The following CDK6 variants were observed in gnomAD, a reference collection of about 807,000 sequenced individuals.
CDK6 encodes the protein cyclin-dependent kinase 6.
In CDK6, 6 loss-of-function variants were observed where a neutral mutation model predicts 37.1. The observed-to-expected ratio is 0.16, with a 90% CI of 0.09 to 0.32. The LOEUF is 0.32. Ranked by LOEUF, CDK6 falls within the 10% of genes least tolerant of loss-of-function variation. CDK6 has a pLI of 1.00. For synonymous variants in CDK6, 160 were observed against 161.3 expected (o/e 0.99, Z 0.06); for missense variants, 224 against 418.9 (o/e 0.53, Z 4.06).
At chr7:92,772,076 T>A (rs1296694822) in intron 3 of CDK6, among the ~76,000 whole-genome samples, 1 of 152,210 alleles carries the variant, frequency 6.6e-6, no homozygotes, top group African/African-American at 2.4e-5. Context: ...ATTTGATGGT[T>A]TTATTATGCT....
At chr7:92,699,686 T>C (rs1797798823) in intron 4 of CDK6, among the ~76,000 whole-genome samples, 2 of 152,214 alleles carry the variant, frequency 1.3e-5, no homozygotes, top group African/African-American at 4.8e-5. Context: ...GTGACAAGCA[T>C]TGGATCTCAG....
chr7:92,681,236 T>C (rs1797329097), intron 4 of CDK6, among the ~76,000 whole-genome samples: 1 of 152,042 alleles, frequency 6.6e-6, no homozygotes, highest in African/African-American at 2.4e-5. Context: ...CACAGGGCAA[T>C]GAAAGGCACA....
chr7:92,736,278 T>C (rs1798785635), intron 3 of CDK6, among the ~76,000 whole-genome samples: 1 of 152,196 alleles, frequency 6.6e-6, no homozygotes. Context: ...ATACACATAA[T>C]AAATTGCTAC....
At chr7:92,737,722 C>T (rs374763709) in intron 3 of CDK6, among the ~76,000 whole-genome samples, 23 of 152,240 alleles carry the variant, frequency 1.5e-4, no homozygotes, top group African/African-American at 5.5e-4. Context: ...ACATTATTTC[C>T]TTATGTTATC....
At chr7:92,787,419 A>G (rs1800172612) in intron 2 of CDK6, among the ~76,000 whole-genome samples, 1 of 152,100 alleles carries the variant, frequency 6.6e-6, no homozygotes, top group African/African-American at 2.4e-5. Flanking sequence ...TGAATTAATG[A>G]GGAAATCCTA....
intron 4 of CDK6, among the ~76,000 whole-genome samples, chr7:92,675,324 T>C (rs1335340793): frequency 6.6e-6 from 1 of 152,238 alleles, no homozygotes; most frequent in Non-Finnish European, 1.5e-5. Context: ...CCACTCAAAA[T>C]GTAGAATGAA....
At chr7:92,823,761 T>C (rs1270046994) in intron 2 of CDK6, among the ~76,000 whole-genome samples, 1 of 152,130 alleles carries the variant, frequency 6.6e-6, no homozygotes, top group Admixed American at 6.5e-5. Context: ...TGTACTGGTC[T>C]GAGTAAACTA....
intron 3 of CDK6, among the ~76,000 whole-genome samples, chr7:92,755,165 T>C (rs1337725023): frequency 1.3e-5 from 2 of 152,062 alleles, no homozygotes; most frequent in Non-Finnish European, 2.9e-5. Context: ...GGTTAAAATA[T>C]GGCAGATGTT....
In CDK6 at chr7:92,606,426, G is replaced by C. The variant is rs950396429; in HGVS notation, c.*8714C>G. ...GGTCCATGATGTGGAGGAAGATGGA[G>C]AGCACCATGTGGACAAGCCAGGATG... On this transcript the variant is annotated 3_prime_UTR_variant, in exon 8 of 8. Coordinates refer to ENST00000424848, the MANE Select transcript of CDK6 (RefSeq NM_001145306.2). 1.3e-5 allele frequency: 3 copies of C among 233,372 alleles called. No individual in the cohort carries two copies. Among genetic ancestry groups the C allele is most frequent in the African/African-American group, 6.6e-5 (3 of 45,356 alleles). The allele number at this position is 233,372 out of a possible 1,614,324, so 14.5% of individuals were successfully genotyped here.
intron 2 of CDK6, among the ~76,000 whole-genome samples, chr7:92,800,054 T>C (rs561756384): frequency 6.6e-6 from 1 of 152,326 alleles, no homozygotes; most frequent in African/African-American, 2.4e-5. Flanking sequence ...TCTGTTCACC[T>C]ACACATCTAA....
rs1407170750 is a variant in CDK6 at position 92,833,507 on chromosome 7, C to T, written c.-184G>A. The stretch of plus-strand genomic sequence containing the variant: ...CGCTGCAGAAGCTGGATGGAGAGAC[C>T]TCCCCGCGGGGCTGGCGTAACCCTG... On this transcript the variant is annotated 5_prime_UTR_variant, in exon 2 of 8. Transcript: ENST00000424848. This position sits in a 1 kb window ranked among gnomAD's most constrained non-coding sequence, Gnocchi z 6.1. 1 of 564,218 alleles carries T rather than the reference C, an allele frequency of 1.8e-6. No individual in the cohort carries two copies. Among genetic ancestry groups the T allele is most frequent in the Non-Finnish European group, 3.1e-6 (1 of 324,720 alleles). The allele number at this position is 564,218 out of a possible 1,614,324, so 35.0% of individuals were successfully genotyped here. A position where few individuals can be genotyped will look rare whatever the true frequency, so the allele number is the denominator to read the frequency against.
intron 5 of CDK6, among the ~76,000 whole-genome samples, chr7:92,665,527 T>G (rs1272957277): frequency 6.6e-6 from 1 of 152,198 alleles, no homozygotes; most frequent in African/African-American, 2.4e-5. Context: ...CAGATGATAT[T>G]TAAACTCTCT....
In CDK6 at chr7:92,608,798, T is replaced by A. The variant is rs1490292097; in HGVS notation, c.*6342A>T. The A allele has an allele frequency of 4.3e-6, 1 of 231,618 alleles. No homozygotes were observed. The highest frequency in any genetic ancestry group is 8.5e-6 in the Non-Finnish European group (1 of 117,090). The allele number at this position is 231,618 out of a possible 1,614,324, so 14.3% of individuals were successfully genotyped here. On this transcript the variant is annotated 3_prime_UTR_variant, in exon 8 of 8. Coordinates refer to ENST00000424848, the MANE Select transcript of CDK6 (RefSeq NM_001145306.2). ...GGAAAGCAGCCCGCGGGGCCGCACA[T>A]AATTTCAGGCACCGGCAGGTGAGTG...
At chr7:92,680,108 T>C (rs1294908376) in intron 4 of CDK6, among the ~76,000 whole-genome samples, 1 of 151,902 alleles carries the variant, frequency 6.6e-6, no homozygotes, top group Non-Finnish European at 1.5e-5. Context: ...CTTCTCATTA[T>C]AACACCTTAA....
intron 5 of CDK6, among the ~76,000 whole-genome samples, chr7:92,643,961 T>C (rs1246084624): frequency 6.6e-6 from 1 of 152,176 alleles, no homozygotes; most frequent in African/African-American, 2.4e-5. Context: ...GGAAAGATGA[T>C]GAAAGAAAAG....
At chr7:92,715,181 G>T (rs1007191752) in intron 4 of CDK6, among the ~76,000 whole-genome samples, 1 of 152,058 alleles carries the variant, frequency 6.6e-6, no homozygotes, top group Non-Finnish European at 1.5e-5. Flanking sequence ...ATCGAAATGG[G>T]AAAAAAGAAA....
intron 6 of CDK6, among the ~76,000 whole-genome samples, chr7:92,620,379 T>C (rs1007396376): frequency 1.3e-5 from 2 of 152,194 alleles, no homozygotes; most frequent in Non-Finnish European, 2.9e-5. Flanking sequence ...ATTTTATAGA[T>C]GGGGAAATTG....
At chr7:92,692,274 G>A (rs911531111) in intron 4 of CDK6, among the ~76,000 whole-genome samples, 1 of 151,362 alleles carries the variant, frequency 6.6e-6, no homozygotes, top group Non-Finnish European at 1.5e-5. Flanking sequence ...AAAAAAGAAA[G>A]AAAGAAAGAA....
intron 6 of CDK6, among the ~76,000 whole-genome samples, chr7:92,620,497 A>G (rs964063079): frequency 1.3e-5 from 2 of 152,206 alleles, no homozygotes; most frequent in Non-Finnish European, 2.9e-5. Context: ...CCATTTAGCT[A>G]TGACATCATT....
Sources: allele counts gnomAD v4.1 joint callset (sites outside exome capture counted in the v4.1 genomes callset), GRCh38; gene constraint gnomAD v4.1.1; non-coding constraint Gnocchi (gnomAD v3.1); transcripts MANE v1.5; gene names NCBI Gene and HGNC (gene_info 2026-07-23, HGNC 2026-07-21).